ANKMY2: variants seen among roughly 807,000 people sequenced by gnomAD.
ANKMY2 encodes the protein ankyrin repeat and MYND domain-containing protein 2.
In ANKMY2, 36 loss-of-function variants were observed where a neutral mutation model predicts 50.4. The observed-to-expected ratio is 0.71, with a 90% confidence interval of 0.55 to 0.94. The LOEUF is 0.94. Among genes scored for constraint, ANKMY2 ranks in the 40% least tolerant of loss-of-function variants. ANKMY2 has a pLI of 0.00. For missense variants in ANKMY2, 565 were observed against 524.0 expected, an observed-to-expected ratio of 1.08 and a Z score of -0.76; for synonymous variants, 187 against 178.8, an observed-to-expected ratio of 1.05 and a Z score of -0.36.
chr7:16,609,873 G>C (rs926080632), intron 6 of ANKMY2, 108 bp from the exon 7 acceptor site: 2 of 1,329,154 alleles, frequency 1.5e-6, no homozygotes, highest in South Asian at 2.6e-5. Flanking sequence ...GATTTTCTTT[G>C]TCTCTTCAAA....
chr7:16,622,521 A>C (rs937243626), intron 4 of ANKMY2, among the ~76,000 whole-genome samples: 3 of 151,958 alleles, frequency 2.0e-5, no homozygotes, highest in African/African-American at 7.2e-5. Flanking sequence ...GGCAGATCAC[A>C]AGGTCAGGAG....
intron 1 of ANKMY2, chr7:16,644,837 C>A (rs1781805530): frequency 5.0e-6 from 2 of 401,996 alleles, no homozygotes; most frequent in South Asian, 1.8e-5. Context: ...CAAGAAAGCG[C>A]GAAGGAGCGC....
intron 1 of ANKMY2, among the ~76,000 whole-genome samples, chr7:16,641,116 C>A (rs1781739277): frequency 6.6e-6 from 1 of 151,990 alleles, no homozygotes; most frequent in Non-Finnish European, 1.5e-5. Context: ...CGCCTGTAAT[C>A]CCAGCTACTC....
rs185017053 is a variant in ANKMY2 at position 16,601,779 on chromosome 7, C to A, written c.1141+601G>T. Among the ~76,000 whole-genome samples, 12 of 152,206 alleles carry A rather than the reference C, an allele frequency of 7.9e-5. No homozygotes were observed. In the East Asian group the frequency reaches 2.1e-3, roughly 27 times the overall value. On this transcript the variant is annotated intron_variant, in intron 9 of 9. Transcript: ENST00000306999. ...TGAGGGTGGGGGCAGTTCTCCTCTC[C>A]AATCTGATAATCACTGCTGAAGCAA... is the stretch of plus-strand genomic sequence containing the variant.
chr7:16,609,751 C>T lies in ANKMY2; in HGVS notation c.761G>A (p.Arg254Gln), dbSNP rs1163476120. 19 of 1,608,146 alleles carry T rather than the reference C, an allele frequency of 1.2e-5. No individual in the cohort carries two copies. Among genetic ancestry groups the T allele is most frequent in the African/African-American group, 1.1e-4 (8 of 74,428 alleles). The part of the protein sequence containing the change: ...DTLIKSLLKG[R>Q]ASDGFPVYQE... ...ATACACTGGAAAGCCATCAGAAGCT[C>T]GGCCTTTTAACAAGCTGAAAGATAT... is the stretch of plus-strand genomic sequence containing the variant. The change falls in exon 7 of 10, where the codon CGA (arginine) becomes CAA (glutamine). Residue 254 changes from arginine to glutamine, a missense_variant. Arg to Gln is a conservative substitution (Grantham distance 43, BLOSUM62 1). Transcript: ENST00000306999.
intron 4 of ANKMY2, among the ~76,000 whole-genome samples, chr7:16,624,096 G>A (rs1265579747): frequency 6.6e-6 from 1 of 152,078 alleles, no homozygotes; most frequent in Non-Finnish European, 1.5e-5. Flanking sequence ...ATTTGTCATT[G>A]CTATTACCCT....
chr7:16,627,210 T>C, intron 2 of ANKMY2, 32 bp from the exon 3 acceptor site: 1 of 1,488,460 alleles, frequency 6.7e-7, no homozygotes, highest in Non-Finnish European at 9.2e-7. Flanking sequence ...AGTATTAATT[T>C]TACTGTTTTA....
At chr7:16,642,043 C>T (rs1448684250) in intron 1 of ANKMY2, among the ~76,000 whole-genome samples, 1 of 87,610 alleles carries the variant, frequency 1.1e-5, no homozygotes, top group East Asian at 3.2e-4. Context: ...GTAATATGTG[C>T]AATTTATTGT....
At chr7:16,618,807 T>C (rs1436646118) in intron 4 of ANKMY2, among the ~76,000 whole-genome samples, 1 of 152,152 alleles carries the variant, frequency 6.6e-6, no homozygotes, top group Non-Finnish European at 1.5e-5. Flanking sequence ...CAAGTAATTG[T>C]GAGGAAATTT....
chr7:16,609,690 A>G lies in ANKMY2; in HGVS notation c.822T>C (p.Phe274=). The G allele has an allele frequency of 6.2e-7, 1 of 1,613,070 alleles. No homozygotes were observed. The highest frequency in any genetic ancestry group is 8.5e-7 in the Non-Finnish European group (1 of 1,179,754). The change falls in exon 7 of 10, where the codon TTT becomes TTC. Residue 274 remains phenylalanine (F), a synonymous_variant. Coordinates refer to ENST00000306999, the MANE Select transcript of ANKMY2 (RefSeq NM_020319.3). Reference sequence around the variant, plus strand: ...GGAGGAGTGTAGCTTCACAGTAAGGAAATTTTCTGATACTTTCTCTAATGA... The same window carrying G: ...GGAGGAGTGTAGCTTCACAGTAAGGGAATTTTCTGATACTTTCTCTAATGA... ...EKIIRESIRK[F]PYCEATLLQQ...
At chr7:16,601,862 A>G (rs762032097) in intron 9 of ANKMY2, among the ~76,000 whole-genome samples, 2 of 152,224 alleles carry the variant, frequency 1.3e-5, no homozygotes, top group Non-Finnish European at 2.9e-5. Context: ...AGAAAAAAAA[A>G]TACAAAATTC....
Position 16,602,445 on chromosome 7 carries a change from T to C in ANKMY2, c.1076A>G (p.Asn359Ser). Residue 359 changes from asparagine to serine, a missense_variant, in exon 9 of 10, where the codon AAT (asparagine) becomes AGT (serine). Physicochemically the swap from Asn to Ser is conservative, Grantham distance 46 (BLOSUM62 1). Coordinates refer to ENST00000306999, the MANE Select transcript of ANKMY2 (RefSeq NM_020319.3). ...TTGCTTTTCGTAAATGTCCTTCAGA[T>C]TCTTACAGATTTTCTTATGAGTAAA... ...HWFTHKKICK[N>S]LKDIYEKQQL... 1 of 1,614,032 alleles carries C rather than the reference T, an allele frequency of 6.2e-7. No homozygotes were observed. The highest frequency in any genetic ancestry group is 8.5e-7 in the Non-Finnish European group (1 of 1,180,000).
intron 3 of ANKMY2, among the ~76,000 whole-genome samples, chr7:16,626,416 T>G (rs1449767280): frequency 1.3e-5 from 2 of 152,220 alleles, no homozygotes; most frequent in Non-Finnish European, 2.9e-5. Flanking sequence ...TATTGTCCTT[T>G]TTGGATTCTG....
intron 4 of ANKMY2, among the ~76,000 whole-genome samples, chr7:16,621,490 G>A (rs1207197736): frequency 6.6e-6 from 1 of 152,130 alleles, no homozygotes; most frequent in South Asian, 2.1e-4. Flanking sequence ...AATAAATGGT[G>A]CCATCACAAT....
intron 2 of ANKMY2, among the ~76,000 whole-genome samples, chr7:16,628,847 A>G (rs1248273563): frequency 2.0e-5 from 3 of 152,296 alleles, no homozygotes; most frequent in East Asian, 3.9e-4. Context: ...CCAACCTACA[A>G]CAAGAGGTTA....
chr7:16,601,163 T>G (rs1361040128), intron 9 of ANKMY2, among the ~76,000 whole-genome samples: 1 of 152,198 alleles, frequency 6.6e-6, no homozygotes, highest in Non-Finnish European at 1.5e-5. Context: ...AGAACCAGCA[T>G]TTGAACTCAG....
chr7:16,603,485 T>C, intron 8 of ANKMY2: 1 of 349,348 alleles, frequency 2.9e-6, no homozygotes. Context: ...TTTTTGTAAA[T>C]GGCCTTATAT....
At chr7:16,619,047 A>C (rs1417420672) in intron 4 of ANKMY2, among the ~76,000 whole-genome samples, 1 of 152,230 alleles carries the variant, frequency 6.6e-6, no homozygotes, top group Non-Finnish European at 1.5e-5. Flanking sequence ...TCAGTCCTCC[A>C]ACTAGTACAA....
At chr7:16,615,523 G>A (rs137914074) in intron 5 of ANKMY2, among the ~76,000 whole-genome samples, 1,909 of 152,208 alleles carry the variant, frequency 0.013, 32 homozygotes, top group Non-Finnish European at 0.016. Flanking sequence ...ATCTCTTTGC[G>A]TGGCTTTTCC....
Sources: gnomAD v4.1 joint callset for allele counts (sites outside exome capture counted in the v4.1 genomes callset) on GRCh38, gnomAD v4.1.1 for gene constraint, MANE v1.5 for transcripts, NCBI Gene and HGNC (gene_info 2026-07-23, HGNC 2026-07-21) for gene names.